EYA4: variants seen among roughly 807,000 people sequenced by gnomAD.
The protein encoded by EYA4 is EYA transcriptional coactivator and phosphatase 4.
A neutral mutation model predicts 87.9 loss-of-function variants in EYA4; 31 were observed. The observed-to-expected ratio is 0.35, with a 90% confidence interval of 0.27 to 0.48. The LOEUF (loss-of-function observed/expected upper bound fraction) is 0.48, where lower values mean the gene tolerates loss of function less well. Ranked by LOEUF, EYA4 falls within the 20% of genes least tolerant of loss-of-function variation. The pLI is 0.99. For missense variants in EYA4, 678 were observed against 761.4 expected (o/e 0.89, Z 1.29); for synonymous variants, 263 against 270.6 (o/e 0.97, Z 0.28).
intron 16 of EYA4, among the ~76,000 whole-genome samples, chr6:133,514,310 ATGTTT>A (rs1407742341): frequency 6.6e-6 from 1 of 152,188 alleles, no homozygotes; most frequent in Non-Finnish European, 1.5e-5. Context: ...GGTAGATAAT[ATGTTT>A]TAACTTTAAA....
intron 2 of EYA4, among the ~76,000 whole-genome samples, chr6:133,297,992 T>C (rs1779072050): frequency 1.3e-5 from 2 of 152,208 alleles, no homozygotes; most frequent in African/African-American, 4.8e-5. Context: ...ATGGTGATTT[T>C]CAAATTCTAT....
intron 14 of EYA4, among the ~76,000 whole-genome samples, chr6:133,506,752 G>A (rs1488433951): frequency 6.6e-6 from 1 of 152,106 alleles, no homozygotes; most frequent in Non-Finnish European, 1.5e-5. Context: ...TGGCAAGACA[G>A]TGTCTAAATG....
At chr6:133,342,605 AAT>A (rs1782885661) in intron 2 of EYA4, among the ~76,000 whole-genome samples, 33 of 130,316 alleles carry the variant, frequency 2.5e-4, no homozygotes, top group Middle Eastern at 4.3e-3. Flanking sequence ...ATATATATAT[AAT>A]TCTTTATATT....
At chr6:133,513,903 CAT>C (rs1799375705) in intron 16 of EYA4, among the ~76,000 whole-genome samples, 1 of 151,976 alleles carries the variant, frequency 6.6e-6, no homozygotes, top group South Asian at 2.1e-4. Flanking sequence ...ACTATACATA[CAT>C]ATATTCACAT....
chr6:133,527,775 A>G (rs936702616), intron 19 of EYA4, among the ~76,000 whole-genome samples: 4 of 152,200 alleles, frequency 2.6e-5, no homozygotes, highest in Non-Finnish European at 5.9e-5. Context: ...TGCATGTTTT[A>G]TATCTATATA....
chr6:133,342,884 A>G (rs1583011562), intron 2 of EYA4, among the ~76,000 whole-genome samples: 1 of 152,062 alleles, frequency 6.6e-6, no homozygotes, highest in African/African-American at 2.4e-5. Context: ...ATTCCTAGGT[A>G]TTTACTAATA....
At chr6:133,398,819 G>T (rs1021707739) in intron 3 of EYA4, among the ~76,000 whole-genome samples, 3 of 152,112 alleles carry the variant, frequency 2.0e-5, no homozygotes, top group Non-Finnish European at 4.4e-5. Context: ...CCAACATGCA[G>T]TGCCAAATCG....
chr6:133,530,536 G>A lies in EYA4; in HGVS notation c.*1731G>A. ...CTACTAGTCAGTGCCCCTAGCCAGA[G>A]GCTGGTTCATGAGTTCATCAACTGA... On this transcript the variant is annotated 3_prime_UTR_variant, in exon 20 of 20. Coordinates refer to ENST00000355286, the MANE Select transcript of EYA4 (RefSeq NM_004100.5). 2.0e-6 allele frequency: 2 copies of A among 985,824 alleles called. No individual in the cohort carries two copies. The highest frequency in any genetic ancestry group is 1.2e-6 in the Non-Finnish European group (1 of 829,926). The allele number at this position is 985,824 out of a possible 1,614,324, so 61.1% of individuals were successfully genotyped here. A position where few individuals can be genotyped will look rare whatever the true frequency, so the allele number is the denominator to read the frequency against.
At chr6:133,286,618 C>G (rs1426961371) in intron 2 of EYA4, among the ~76,000 whole-genome samples, 1 of 152,154 alleles carries the variant, frequency 6.6e-6, no homozygotes, top group Non-Finnish European at 1.5e-5. Flanking sequence ...AAACACATAT[C>G]CAGGTCACTG....
chr6:133,462,203 CTATATTGTTAAAA>C, intron 7 of EYA4, 119 bp from the exon 8 acceptor site: 1 of 1,100,876 alleles, frequency 9.1e-7, no homozygotes, highest in South Asian at 1.3e-5. Flanking sequence ...TTGCTTTTTC[CTATATTGTTAAAA>C]TTATATTGTG....
chr6:133,349,825 T>C (rs1045781138), intron 2 of EYA4, among the ~76,000 whole-genome samples: 1 of 152,136 alleles, frequency 6.6e-6, no homozygotes, highest in African/African-American at 2.4e-5. Flanking sequence ...TTCATAAATA[T>C]CGATTTCCAA....
intron 2 of EYA4, among the ~76,000 whole-genome samples, chr6:133,333,129 A>G (rs1782108685): frequency 1.3e-5 from 2 of 152,210 alleles, no homozygotes; most frequent in South Asian, 2.1e-4. Context: ...ATCAAAATAT[A>G]TAATTATATA....
chr6:133,464,743 A>C (rs1288819678), intron 9 of EYA4, 36 bp from the exon 10 acceptor site: 3 of 1,222,754 alleles, frequency 2.5e-6, no homozygotes, highest in Admixed American at 1.7e-5. Flanking sequence ...TTTTACAAGG[A>C]ATACTTTTAA....
At chr6:133,242,417 C>T (rs564363551) in intron 1 of EYA4, among the ~76,000 whole-genome samples, 3 of 152,256 alleles carry the variant, frequency 2.0e-5, no homozygotes, top group Middle Eastern at 3.4e-3. Context: ...GGCGCCTTGT[C>T]AGAGCAGTCG....
intron 16 of EYA4, among the ~76,000 whole-genome samples, chr6:133,514,943 G>A (rs1799458931): frequency 6.6e-6 from 1 of 152,150 alleles, no homozygotes; most frequent in Admixed American, 6.5e-5. Context: ...TGTGTCCCTA[G>A]GTTGGTGAAG....
Position 133,530,915 on chromosome 6 carries a change from G to C in EYA4, c.*2110G>C. 1 of 1,117,148 alleles carries C rather than the reference G, an allele frequency of 9.0e-7. No homozygotes were observed. Among genetic ancestry groups the C allele is most frequent in the Non-Finnish European group, 1.1e-6 (1 of 914,494 alleles). The allele number at this position is 1,117,148 out of a possible 1,614,324, so 69.2% of individuals were successfully genotyped here. A position where few individuals can be genotyped will look rare whatever the true frequency, so the allele number is the denominator to read the frequency against. ...AAATAGCAGTTAAAAAAATTTAAAT[G>C]TTGCCTTGATTATCAGTACTTAATT... On this transcript the variant is annotated 3_prime_UTR_variant, in exon 20 of 20. Transcript: ENST00000355286.
At chr6:133,426,117 T>A (rs552057246) in intron 3 of EYA4, among the ~76,000 whole-genome samples, 35 of 146,140 alleles carry the variant, frequency 2.4e-4, no homozygotes, top group Middle Eastern at 3.4e-3. Flanking sequence ...ACATGTACAT[T>A]TACAGAAAAC....
intron 3 of EYA4, among the ~76,000 whole-genome samples, chr6:133,439,035 G>A (rs1272097852): frequency 1.1e-5 from 1 of 91,796 alleles, no homozygotes; most frequent in East Asian, 3.6e-4. Context: ...GGGTGACAAA[G>A]CGAGACTCCG....
In EYA4 at chr6:133,273,097, G is replaced by GTGTGTATATATATATA. The variant is rs142020137; in HGVS notation, c.-65-1618_-65-1617insGTGTATATATATATAT. Among the ~76,000 whole-genome samples the GTGTGTATATATATATA allele has an allele frequency of 1.3e-3, 135 of 106,646 alleles. 1 individual carries two copies. Among genetic ancestry groups the GTGTGTATATATATATA allele is most frequent in the African/African-American group, 4.2e-3 (132 of 31,544 alleles). 70.0% of individuals were successfully genotyped at this position (106,646 alleles called of 152,430 possible). A position where few individuals can be genotyped will look rare whatever the true frequency, so the allele number is the denominator to read the frequency against. On this transcript the variant is annotated intron_variant, in intron 1 of 19. Transcript: ENST00000355286. ...CAGAACTAATAGGAGATATATATAT[G>GTGTGTATATATATATA]TATATATATATATATATATAAAGGG... is the stretch of plus-strand genomic sequence containing the variant.
Sources: allele counts gnomAD v4.1 joint callset (sites outside exome capture counted in the v4.1 genomes callset), GRCh38; gene constraint gnomAD v4.1.1; transcripts MANE v1.5; gene names NCBI Gene and HGNC (gene_info 2026-07-23, HGNC 2026-07-21).